Variants in PRTG observed in about 807,000 individuals in gnomAD.
PRTG encodes protogenin.
A neutral mutation model predicts 122.5 loss-of-function variants in PRTG; 67 were observed. The observed-to-expected ratio is 0.55, with a 90% CI of 0.45 to 0.67. The LOEUF (loss-of-function observed/expected upper bound fraction) is 0.67. Among genes scored for constraint, PRTG ranks in the 30% least tolerant of loss-of-function variants. PRTG has a pLI of 0.00. For synonymous variants in PRTG, 554 were observed against 501.1 expected, an observed-to-expected ratio of 1.11 and a Z score of -1.41; for missense variants, 1,435 against 1,415.4, an observed-to-expected ratio of 1.01 and a Z score of -0.22.
chr15:55,740,688 T>C lies in PRTG; in HGVS notation c.95-4A>G, dbSNP rs1424238546. 6.3e-7 allele frequency: 1 copy of C among 1,590,498 alleles called. No homozygotes were observed. The highest frequency in any genetic ancestry group is 8.5e-7 in the Non-Finnish European group (1 of 1,171,486). On this transcript the variant is annotated splice_region_variant and splice_polypyrimidine_tract_variant and intron_variant, in intron 1 of 19. Transcript: ENST00000389286. ...AGTTCGCTAAAGCACCACACTCCTA[T>C]AAGGAAAAAAAAGGAGAACGGCACA...
At chr15:55,631,990 G>A (rs2059230080) in intron 15 of PRTG, among the ~76,000 whole-genome samples, 1 of 152,130 alleles carries the variant, frequency 6.6e-6, no homozygotes, top group Non-Finnish European at 1.5e-5. Context: ...TGGGGTTGGA[G>A]AAGTGCCCCA....
At chr15:55,696,312 T>C (rs1222094107) in intron 2 of PRTG, among the ~76,000 whole-genome samples, 1 of 152,226 alleles carries the variant, frequency 6.6e-6, no homozygotes, top group Non-Finnish European at 1.5e-5. Flanking sequence ...GCATCCACAA[T>C]TTCAGAGTTC....
Position 55,613,284 on chromosome 15 carries a change from AATC to A in PRTG, c.*6725_*6727del, listed in dbSNP as rs2141698167. On this transcript the variant is annotated 3_prime_UTR_variant, in exon 20 of 20. Transcript: ENST00000389286. ...AATAAATTAGTTTATATTCATAAAA[AATC>A]ATGAACTCTTCAGACCTAACAAGAA... is the stretch of plus-strand genomic sequence containing the variant. 6.6e-6 allele frequency: 1 copy of A among 152,258 alleles called. No homozygotes were observed. The highest frequency in any genetic ancestry group is 2.4e-5 in the African/African-American group (1 of 41,574). The allele number at this position is 152,258 out of a possible 1,614,324, so 9.4% of individuals were successfully genotyped here.
chr15:55,732,186 ATTTG>A (rs760949926), intron 2 of PRTG, among the ~76,000 whole-genome samples: 15 of 151,976 alleles, frequency 9.9e-5, no homozygotes, highest in African/African-American at 3.4e-4. Flanking sequence ...ACATGACTAG[ATTTG>A]TTTGTTTTTG....
chr15:55,706,798 G>A (rs1027937139), intron 2 of PRTG, among the ~76,000 whole-genome samples: 3 of 151,950 alleles, frequency 2.0e-5, no homozygotes, highest in African/African-American at 7.3e-5. Flanking sequence ...GGGAGAGCGA[G>A]GCAGGGTAGA....
At chr15:55,733,198 ACT>A (rs1275631872) in intron 2 of PRTG, among the ~76,000 whole-genome samples, 1 of 151,858 alleles carries the variant, frequency 6.6e-6, no homozygotes, top group African/African-American at 2.4e-5. Flanking sequence ...ACAGAGCAAG[ACT>A]CTGTCTCAAA....
chr15:55,649,341 C>A (rs1415321641), intron 11 of PRTG, among the ~76,000 whole-genome samples: 1 of 152,112 alleles, frequency 6.6e-6, no homozygotes, highest in Non-Finnish European at 1.5e-5. Flanking sequence ...CTCTCTGTAC[C>A]TTGGTTACAA....
chr15:55,738,015 T>TAC (rs1567121692), intron 2 of PRTG, among the ~76,000 whole-genome samples: 2 of 106,888 alleles, frequency 1.9e-5, no homozygotes, highest in African/African-American at 3.2e-5. Context: ...TATATATATA[T>TAC]ATATATATAT....
At chr15:55,635,502 A>G (rs2059253044) in intron 15 of PRTG, among the ~76,000 whole-genome samples, 1 of 152,316 alleles carries the variant, frequency 6.6e-6, no homozygotes, top group South Asian at 2.1e-4. Context: ...TTGTTGACTC[A>G]AAGAATTGTG....
At chr15:55,707,803 T>C (rs2141849172) in intron 2 of PRTG, among the ~76,000 whole-genome samples, 1 of 152,302 alleles carries the variant, frequency 6.6e-6, no homozygotes, top group Non-Finnish European at 1.5e-5. Flanking sequence ...TGATGGTTTA[T>C]AACAAATGTC....
At chr15:55,718,992 A>C (rs547941418) in intron 2 of PRTG, among the ~76,000 whole-genome samples, 53 of 152,116 alleles carry the variant, frequency 3.5e-4, no homozygotes, top group Admixed American at 3.1e-3. Context: ...TACTCTGCCC[A>C]CCTCAGCCTC....
chr15:55,742,485 C>A (rs1372427422), intron 1 of PRTG: 2 of 233,974 alleles, frequency 8.5e-6, no homozygotes, highest in Non-Finnish European at 1.6e-5. Context: ...GGAGTCCGGC[C>A]GGTCGCGGAG....
intron 15 of PRTG, among the ~76,000 whole-genome samples, chr15:55,631,385 A>T (rs1475960522): frequency 6.6e-6 from 1 of 152,216 alleles, no homozygotes; most frequent in East Asian, 1.9e-4. Flanking sequence ...ACTAATCACT[A>T]CCAGAAACTA....
intron 15 of PRTG, among the ~76,000 whole-genome samples, chr15:55,629,864 C>A (rs1345932173): frequency 1.3e-5 from 2 of 148,366 alleles, no homozygotes; most frequent in Non-Finnish European, 1.5e-5. Flanking sequence ...TGTCGCCAGG[C>A]TGGAGTGCAG....
rs1317425493 is a variant in PRTG at position 55,619,708 on chromosome 15, T to TAA, written c.*303_*304insTT. 6.5e-6 allele frequency: 2 copies of TAA among 306,864 alleles called. No homozygotes were observed. Among genetic ancestry groups the TAA allele is most frequent in the African/African-American group, 2.1e-5 (1 of 46,582 alleles). 19.0% of individuals were successfully genotyped at this position (306,864 alleles called of 1,614,324 possible). A position where few individuals can be genotyped will look rare whatever the true frequency, so the allele number is the denominator to read the frequency against. On this transcript the variant is annotated 3_prime_UTR_variant, in exon 20 of 20. Transcript: ENST00000389286. ...TTTCACATTGCTGACAATGAAACATTCAAATTACACAAGTTTAAAAATAAA... is the reference window on the plus strand; with the variant it reads ...TTTCACATTGCTGACAATGAAACATTAACAAATTACACAAGTTTAAAAATAAA...
At chr15:55,689,310 C>T (rs184615734) in intron 2 of PRTG, among the ~76,000 whole-genome samples, 2 of 152,288 alleles carry the variant, frequency 1.3e-5, no homozygotes, top group East Asian at 3.9e-4. Context: ...AGCATCCATC[C>T]TTCTAAATAT....
At chr15:55,620,568 A>G in intron 19 of PRTG, 95 bp downstream of exon 19, 1 of 1,469,462 alleles carries the variant, frequency 6.8e-7, no homozygotes, top group Non-Finnish European at 9.0e-7. Flanking sequence ...AACACAGAAA[A>G]TTAAAATAAA....
chr15:55,739,888 C>T (rs866743082), intron 2 of PRTG, among the ~76,000 whole-genome samples: 3 of 152,152 alleles, frequency 2.0e-5, no homozygotes, highest in Admixed American at 1.3e-4. Context: ...GAGTGACTGA[C>T]CAATGCCCTC....
chr15:55,657,285 C>T (rs2059385657), intron 11 of PRTG, among the ~76,000 whole-genome samples: 1 of 152,064 alleles, frequency 6.6e-6, no homozygotes, highest in African/African-American at 2.4e-5. Flanking sequence ...AGGCCCATTG[C>T]CATGATTTTT....
Sources: allele counts gnomAD v4.1 joint callset (sites outside exome capture counted in the v4.1 genomes callset), GRCh38; gene constraint gnomAD v4.1.1; transcripts MANE v1.5; gene names NCBI Gene and HGNC (gene_info 2026-07-23, HGNC 2026-07-21).